Variants in GMDS observed in about 807,000 individuals in gnomAD.
GMDS encodes GDP-mannose 4,6 dehydratase.
In GMDS, 20 loss-of-function variants were observed where a neutral mutation model predicts 49.9. The observed-to-expected ratio is 0.40, with a 90% CI of 0.28 to 0.58. The LOEUF is 0.58. Among genes scored for constraint, GMDS ranks in the 20% least tolerant of loss-of-function variants. The pLI is 0.42. For synonymous variants in GMDS, 177 were observed against 178.6 expected, an observed-to-expected ratio of 0.99 and a Z score of 0.07; for missense variants, 362 against 481.4, an observed-to-expected ratio of 0.75 and a Z score of 2.32.
chr6:1,655,522 T>A (rs923177833), intron 9 of GMDS, among the ~76,000 whole-genome samples: 4 of 28,306 alleles, frequency 1.4e-4, no homozygotes, highest in East Asian at 9.8e-4. Flanking sequence ...CACACACATA[T>A]TTTTTTTTTT....
chr6:2,188,891 C>A (rs1778894512), intron 1 of GMDS, among the ~76,000 whole-genome samples: 1 of 152,134 alleles, frequency 6.6e-6, no homozygotes, highest in Non-Finnish European at 1.5e-5. Flanking sequence ...GAAAGATCAG[C>A]AGGGTAAGGT....
rs960100257 is a variant in GMDS, at chr6:1,704,877, G to C, written c.987+21539C>G. On this transcript the variant is annotated intron_variant, in intron 9 of 10. Coordinates refer to ENST00000380815, the MANE Select transcript of GMDS (RefSeq NM_001500.4). ...GGAGAGGGGGGCGGGGGTGAGGGGT[G>C]TGAGGGTTCAAGTACATACTTGTTC... Among the ~76,000 whole-genome samples, 180 of 151,722 alleles carry C rather than the reference G, an allele frequency of 1.2e-3. 1 individual carries two copies. Among genetic ancestry groups the C allele is most frequent in the African/African-American group, 4.1e-3 (169 of 41,282 alleles).
At chr6:2,019,236 T>C (rs1226329343) in intron 4 of GMDS, among the ~76,000 whole-genome samples, 3 of 151,680 alleles carry the variant, frequency 2.0e-5, no homozygotes, top group African/African-American at 7.3e-5. Flanking sequence ...TATAAGATGA[T>C]GTCATCTCCA....
chr6:1,944,373 C>T (rs1038286769), intron 6 of GMDS, among the ~76,000 whole-genome samples: 7 of 152,050 alleles, frequency 4.6e-5, no homozygotes, highest in East Asian at 3.9e-4. Context: ...GGCGTGGTGG[C>T]GGGCGCCTGT....
chr6:2,224,159 TATA>T (rs1780719952), intron 1 of GMDS, among the ~76,000 whole-genome samples: 1 of 152,130 alleles, frequency 6.6e-6, no homozygotes, highest in Non-Finnish European at 1.5e-5. Context: ...AGCAACCAAA[TATA>T]ATGAGTTGAA....
chr6:2,010,002 C>T (rs748118228), intron 4 of GMDS, among the ~76,000 whole-genome samples: 2 of 152,190 alleles, frequency 1.3e-5, no homozygotes, highest in East Asian at 1.9e-4. Context: ...AGAAACCCAA[C>T]GAACCCTGAG....
chr6:1,828,887 T>C (rs1197665063), intron 7 of GMDS, among the ~76,000 whole-genome samples: 1 of 152,208 alleles, frequency 6.6e-6, no homozygotes, highest in Non-Finnish European at 1.5e-5. Flanking sequence ...TTACATATAA[T>C]GTTTGACTCA....
intron 6 of GMDS, among the ~76,000 whole-genome samples, chr6:1,958,747 AGTT>A (rs1763776377): frequency 6.6e-6 from 1 of 152,244 alleles, no homozygotes; most frequent in East Asian, 1.9e-4. Flanking sequence ...TATGCTTACT[AGTT>A]GTTGGTCATG....
chr6:1,921,721 T>C (rs1761724325), intron 7 of GMDS, among the ~76,000 whole-genome samples: 1 of 152,216 alleles, frequency 6.6e-6, no homozygotes, highest in African/African-American at 2.4e-5. Context: ...TCAAGGCCCT[T>C]GAATTGCCTT....
chr6:2,109,396 T>A (rs113668760), intron 4 of GMDS, among the ~76,000 whole-genome samples: 169 of 152,242 alleles, frequency 1.1e-3, no homozygotes, highest in Admixed American at 1.8e-3. Flanking sequence ...CAAGTAGATA[T>A]CTAGGGAAAA....
chr6:2,227,001 G>A (rs1344621359), intron 1 of GMDS, among the ~76,000 whole-genome samples: 1 of 152,148 alleles, frequency 6.6e-6, no homozygotes, highest in East Asian at 1.9e-4. Flanking sequence ...AAGTCAATCA[G>A]TAACAAGTTA....
intron 1 of GMDS, among the ~76,000 whole-genome samples, chr6:2,171,678 T>A (rs1778012580): frequency 1.3e-5 from 2 of 152,116 alleles, no homozygotes; most frequent in African/African-American, 4.8e-5. Context: ...GAGATCATCA[T>A]CCTAAGGACT....
rs999613160 is a variant in GMDS, at chr6:1,713,910, C to T, written c.987+12506G>A. ...GGAATTAGATACTTGTTTTAGAAAACATATCCAAAGACTATTCTAGTGCAT... is the reference window on the plus strand; with the variant it reads ...GGAATTAGATACTTGTTTTAGAAAATATATCCAAAGACTATTCTAGTGCAT... On this transcript the variant is annotated intron_variant, in intron 9 of 10. Coordinates refer to ENST00000380815, the MANE Select transcript of GMDS (RefSeq NM_001500.4). Among the ~76,000 whole-genome samples the T allele has an allele frequency of 2.6e-5, 4 of 152,236 alleles. 1 individual carries two copies. Among genetic ancestry groups the T allele is most frequent in the Non-Finnish European group, 4.4e-5 (3 of 68,038 alleles).
chr6:2,185,043 T>C (rs1170524163), intron 1 of GMDS, among the ~76,000 whole-genome samples: 1 of 152,182 alleles, frequency 6.6e-6, no homozygotes, highest in Non-Finnish European at 1.5e-5. Context: ...TCACGTTCTA[T>C]GGTGGAGGCC....
intron 7 of GMDS, among the ~76,000 whole-genome samples, chr6:1,815,544 T>A (rs1265615501): frequency 6.6e-6 from 1 of 152,192 alleles, no homozygotes; most frequent in Non-Finnish European, 1.5e-5. Flanking sequence ...CATGGAATAA[T>A]CCATTTATGT....
intron 4 of GMDS, among the ~76,000 whole-genome samples, chr6:2,034,490 C>T (rs1346013689): frequency 3.9e-5 from 6 of 152,198 alleles, no homozygotes; most frequent in South Asian, 4.1e-4. Flanking sequence ...ATGATAGTTA[C>T]GCAACTCTAG....
In GMDS at chr6:2,153,519, T is replaced by C. The variant is rs192767073; in HGVS notation, c.103-28788A>G. Among the ~76,000 whole-genome samples, 387 of 152,136 alleles carry C rather than the reference T, an allele frequency of 2.5e-3. 2 individuals are homozygous for C. Among genetic ancestry groups the C allele is most frequent in the Non-Finnish European group, 4.0e-3 (270 of 67,976 alleles). On this transcript the variant is annotated intron_variant, in intron 1 of 10. Coordinates refer to ENST00000380815, the MANE Select transcript of GMDS (RefSeq NM_001500.4). ...CATAACAACAGTCCAGTAGGGAAAA[T>C]GGCAGTTGATGAACAGGCAATTAAG... is the stretch of plus-strand genomic sequence containing the variant.
chr6:1,652,060 G>A (rs1427096913), intron 9 of GMDS, among the ~76,000 whole-genome samples: 1 of 151,714 alleles, frequency 6.6e-6, no homozygotes, highest in Non-Finnish European at 1.5e-5. Context: ...AGAGAGCTAA[G>A]ATCAGAAATC....
intron 6 of GMDS, among the ~76,000 whole-genome samples, chr6:1,952,417 G>A (rs114924378): frequency 7.9e-5 from 12 of 152,044 alleles, no homozygotes; most frequent in Admixed American, 2.0e-4. Flanking sequence ...TATGTCAAAC[G>A]CAACACGAAG....
Sources: allele counts gnomAD v4.1 joint callset (sites outside exome capture counted in the v4.1 genomes callset), GRCh38; gene constraint gnomAD v4.1.1; transcripts MANE v1.5; gene names NCBI Gene and HGNC (gene_info 2026-07-23, HGNC 2026-07-21).